The following DCC variants were observed in gnomAD, a reference collection of about 807,000 sequenced individuals.
DCC encodes the protein DCC netrin 1 receptor.
A neutral mutation model predicts 172.5 loss-of-function variants in DCC; 58 were observed. The ratio of observed to expected loss-of-function variants is 0.34; its 90% CI spans 0.27 to 0.42. DCC has a LOEUF of 0.42. Ranked by LOEUF, DCC falls within the 10% of genes least tolerant of loss-of-function variation. DCC has a pLI of 1.00. For missense variants in DCC, 1,740 were observed against 1,791.0 expected (o/e 0.97, Z 0.51); for synonymous variants, 709 against 644.5 (o/e 1.10, Z -1.52).
At position 52,432,784 on chromosome 18, in the gene DCC, C is replaced by G. The variant is rs140384046; in HGVS notation, c.91+91906C>G. Among the ~76,000 whole-genome samples, 5 of 152,124 alleles carry G rather than the reference C, an allele frequency of 3.3e-5. No homozygotes were observed. In the East Asian group the frequency reaches 9.6e-4, roughly 29 times the overall value. On this transcript the variant is annotated intron_variant, in intron 1 of 28. Coordinates refer to ENST00000442544, the MANE Select transcript of DCC (RefSeq NM_005215.4). Reference sequence around the variant, plus strand: ...GCTACATAGCCTAAACTGAGTACTACGAGTGGATTTATCTTGAAGCCTGCA... The same window carrying G: ...GCTACATAGCCTAAACTGAGTACTAGGAGTGGATTTATCTTGAAGCCTGCA...
chr18:52,621,602 A>C (rs1262006456), intron 1 of DCC, among the ~76,000 whole-genome samples: 1 of 152,206 alleles, frequency 6.6e-6, no homozygotes. Flanking sequence ...ACTTTTGCAA[A>C]AAGGAAATTA....
chr18:52,396,297 G>A (rs1017844470), intron 1 of DCC, among the ~76,000 whole-genome samples: 6 of 68,596 alleles, frequency 8.7e-5, no homozygotes, highest in South Asian at 5.4e-4. Context: ...CCCCCACCCC[G>A]CCCTGAAAAG....
At chr18:52,896,926 C>T (rs944236145) in intron 2 of DCC, among the ~76,000 whole-genome samples, 1 of 152,140 alleles carries the variant, frequency 6.6e-6, no homozygotes, top group Non-Finnish European at 1.5e-5. Context: ...CCCTCAGAGA[C>T]AGTATCCTTT....
chr18:52,612,032 A>G (rs1336111423), intron 1 of DCC, among the ~76,000 whole-genome samples: 1 of 152,152 alleles, frequency 6.6e-6, no homozygotes, highest in Non-Finnish European at 1.5e-5. Flanking sequence ...TTTTATTGGG[A>G]GTTGAGGCAT....
At chr18:52,944,224 C>A (rs1306752346) in intron 5 of DCC, among the ~76,000 whole-genome samples, 1 of 152,144 alleles carries the variant, frequency 6.6e-6, no homozygotes, top group Non-Finnish European at 1.5e-5. Context: ...GCTTAAAATC[C>A]ATGTTTGCCT....
intron 1 of DCC, among the ~76,000 whole-genome samples, chr18:52,527,966 G>T (rs973178265): frequency 6.6e-6 from 1 of 152,076 alleles, no homozygotes; most frequent in Non-Finnish European, 1.5e-5. Context: ...GGGTCAGCAA[G>T]GCAAATTTGC....
At chr18:52,475,743 T>C (rs1004738058) in intron 1 of DCC, among the ~76,000 whole-genome samples, 4 of 152,164 alleles carry the variant, frequency 2.6e-5, no homozygotes, top group African/African-American at 7.2e-5. Flanking sequence ...AGGACAGGCA[T>C]GAAGAACAAG....
At chr18:53,063,274 C>T in intron 5 of DCC, 31 bp from the exon 6 acceptor site, 3 of 1,611,192 alleles carry the variant, frequency 1.9e-6, no homozygotes, top group Non-Finnish European at 2.5e-6. Context: ...TCCCCACCCA[C>T]TCACTCACTT....
At chr18:52,920,951 A>G (rs1430183308) in intron 3 of DCC, among the ~76,000 whole-genome samples, 1 of 152,176 alleles carries the variant, frequency 6.6e-6, no homozygotes, top group Non-Finnish European at 1.5e-5. Context: ...GATTCTAGTG[A>G]TATGACATCC....
intron 1 of DCC, among the ~76,000 whole-genome samples, chr18:52,533,396 T>C (rs1048924731): frequency 3.3e-5 from 5 of 152,166 alleles, no homozygotes; most frequent in Admixed American, 6.6e-5. Context: ...CCCTTTGATG[T>C]GCCTGCCTTC....
At chr18:53,264,860 C>T (rs182950950) in intron 12 of DCC, among the ~76,000 whole-genome samples, 1 of 152,070 alleles carries the variant, frequency 6.6e-6, no homozygotes, top group African/African-American at 2.4e-5. Context: ...ATCCTGAAAA[C>T]AAATGTAGCT....
At chr18:52,886,151 C>T (rs1594516) in intron 2 of DCC, among the ~76,000 whole-genome samples, 59,758 of 151,628 alleles carry the variant, frequency 0.39, 12,353 homozygotes, top group Non-Finnish European at 0.47. Flanking sequence ...ACTCCTTTAG[C>T]CTCCCCATCT....
chr18:53,424,498 C>A (rs569021271), intron 21 of DCC, among the ~76,000 whole-genome samples: 2 of 152,186 alleles, frequency 1.3e-5, no homozygotes, highest in East Asian at 3.9e-4. Flanking sequence ...ATACAAAATG[C>A]CAAATCAGAT....
Position 52,616,742 on chromosome 18 carries a change from A to C in DCC, c.92-135312A>C, listed in dbSNP as rs529486945. 4.6e-5 allele frequency among the ~76,000 whole-genome samples: 7 copies of C among 152,286 alleles called. No individual in the cohort carries two copies. The South Asian group carries it at 1.5e-3, about 32-fold the overall frequency. ...AATACAAACAGATAAATGCTAAAGC[A>C]ATTGAGAAAAAGGTGTTATTTGCCC... On this transcript the variant is annotated intron_variant, in intron 1 of 28. Coordinates refer to ENST00000442544, the MANE Select transcript of DCC (RefSeq NM_005215.4).
intron 7 of DCC, among the ~76,000 whole-genome samples, chr18:53,081,998 C>A (rs992282108): frequency 6.6e-6 from 1 of 151,970 alleles, no homozygotes; most frequent in Non-Finnish European, 1.5e-5. Flanking sequence ...GGGAGGCCAG[C>A]GATCAAGAAT....
chr18:52,700,121 G>T (rs560159641), intron 1 of DCC, among the ~76,000 whole-genome samples: 1 of 139,918 alleles, frequency 7.1e-6, no homozygotes, highest in Non-Finnish European at 1.5e-5. Flanking sequence ...CTGCTCTCTC[G>T]TTTGCGCTCT....
chr18:53,388,395 T>C (rs1908316566), intron 16 of DCC, among the ~76,000 whole-genome samples: 1 of 152,212 alleles, frequency 6.6e-6, no homozygotes, highest in South Asian at 2.1e-4. Flanking sequence ...AGGCATACCA[T>C]GGACAGTCTC....
chr18:53,414,350 C>T (rs928332465), intron 20 of DCC, among the ~76,000 whole-genome samples: 1 of 151,834 alleles, frequency 6.6e-6, no homozygotes, highest in African/African-American at 2.4e-5. Context: ...TGTGTTTTTA[C>T]CACAATAAAT....
intron 1 of DCC, among the ~76,000 whole-genome samples, chr18:52,750,853 T>C (rs1452869944): frequency 2.0e-5 from 3 of 151,976 alleles, no homozygotes; most frequent in Non-Finnish European, 4.4e-5. Context: ...GTGTTCCCAT[T>C]ACAGAAAAAT....
Sources: gnomAD v4.1 joint callset for allele counts (sites outside exome capture counted in the v4.1 genomes callset) on GRCh38, gnomAD v4.1.1 for gene constraint, MANE v1.5 for transcripts, NCBI Gene and HGNC (gene_info 2026-07-23, HGNC 2026-07-21) for gene names.